Variants in DIP2C observed in about 807,000 individuals in gnomAD.
The protein encoded by DIP2C is disco-interacting protein 2 homolog C.
In DIP2C, 33 loss-of-function variants were observed where a neutral mutation model predicts 192.4. The observed-to-expected ratio is 0.17, with a 90% CI of 0.13 to 0.23. The LOEUF is 0.23. DIP2C is among the 10% of genes least tolerant of loss of function. The probability of loss-of-function intolerance (pLI) is 1.00; values close to 1 mark genes in which losing one functional copy is unlikely to be tolerated. For synonymous variants in DIP2C, 979 were observed against 864.1 expected (o/e 1.13, Z -2.33); for missense variants, 1,537 against 2,110.1 (o/e 0.73, Z 5.32).
intron 17 of DIP2C, 25 bp from the exon 18 acceptor site, chr10:369,658 A>C: frequency 6.2e-7 from 1 of 1,614,082 alleles, no homozygotes; most frequent in Non-Finnish European, 8.5e-7. Flanking sequence ...TTTAACTTGA[A>C]TATGCAGGAG....
At chr10:450,053 C>T (rs1968730873) in intron 3 of DIP2C, among the ~76,000 whole-genome samples, 2 of 152,088 alleles carry the variant, frequency 1.3e-5, no homozygotes, top group Admixed American at 6.6e-5. Context: ...AATGGGGAAT[C>T]CAGCAAATGG....
At chr10:554,034 G>T in intron 1 of DIP2C, among the ~76,000 whole-genome samples, 1 of 152,022 alleles carries the variant, frequency 6.6e-6, no homozygotes, top group Admixed American at 6.5e-5. Context: ...CGTACAGCTT[G>T]TAACTGTAAG....
chr10:303,070 A>G (rs1056079360), intron 32 of DIP2C, among the ~76,000 whole-genome samples: 1 of 152,332 alleles, frequency 6.6e-6, no homozygotes, highest in African/African-American at 2.4e-5. Flanking sequence ...ATTTGTAAAC[A>G]CCGTACTTGT....
intron 10 of DIP2C, among the ~76,000 whole-genome samples, chr10:392,896 ACAC>A (rs1963611199): frequency 2.6e-3 from 1 of 388 alleles, no homozygotes; most frequent in African/African-American, 4.3e-3. Flanking sequence ...ACGTGCCCAC[ACAC>A]AGGCGCGCAC....
chr10:619,408 T>TA (rs757788484), intron 1 of DIP2C, among the ~76,000 whole-genome samples: 2 of 152,064 alleles, frequency 1.3e-5, no homozygotes, highest in South Asian at 2.1e-4. Context: ...TCTAGAGGCT[T>TA]CCGCATCCCC....
intron 32 of DIP2C, among the ~76,000 whole-genome samples, chr10:293,872 C>T (rs1208076233): frequency 1.3e-5 from 2 of 152,096 alleles, no homozygotes; most frequent in African/African-American, 4.8e-5. Flanking sequence ...ATGAGACGGC[C>T]CACGGTGGCC....
chr10:579,612 C>G (rs917566494), intron 1 of DIP2C, among the ~76,000 whole-genome samples: 6 of 151,898 alleles, frequency 4.0e-5, no homozygotes, highest in African/African-American at 1.5e-4. Flanking sequence ...AAATAGTGTA[C>G]AAACATGTGC....
intron 3 of DIP2C, among the ~76,000 whole-genome samples, chr10:448,447 G>A (rs1255800998): frequency 6.8e-6 from 1 of 146,856 alleles, no homozygotes; most frequent in East Asian, 2.1e-4. Flanking sequence ...CTCACAGTGG[G>A]GCAGCAGGAC....
intron 32 of DIP2C, among the ~76,000 whole-genome samples, chr10:289,297 TCTCGCTCTGTCA>T (rs1955350389): frequency 6.6e-6 from 1 of 150,410 alleles, no homozygotes; most frequent in African/African-American, 2.5e-5. Flanking sequence ...AGAGACAGGG[TCTCGCTCTGTCA>T]CTCAACCTGG....
chr10:369,765 C>T (rs774479209), intron 17 of DIP2C, 132 bp from the exon 18 acceptor site: 21 of 1,496,082 alleles, frequency 1.4e-5, no homozygotes, highest in Non-Finnish European at 1.8e-5. Flanking sequence ...ACAGTGCTGG[C>T]TGCCCATGTG....
chr10:388,006 T>C (rs1196205954), intron 13 of DIP2C, among the ~76,000 whole-genome samples, 197 bp from the exon 14 acceptor site: 1 of 152,174 alleles, frequency 6.6e-6, no homozygotes, highest in African/African-American at 2.4e-5. Flanking sequence ...TCTCGACAGA[T>C]ATCCTGACAC....
At chr10:304,141 T>A (rs1483277715) in intron 32 of DIP2C, among the ~76,000 whole-genome samples, 1 of 152,232 alleles carries the variant, frequency 6.6e-6, no homozygotes, top group Admixed American at 6.5e-5. Flanking sequence ...AGGTGTCTAT[T>A]ATCACAGTCC....
chr10:278,626 G>T (rs1188966867), intron 36 of DIP2C, among the ~76,000 whole-genome samples: 1 of 152,242 alleles, frequency 6.6e-6, no homozygotes, highest in Non-Finnish European at 1.5e-5. Flanking sequence ...CTGCCATACA[G>T]CCATGGCTAA....
rs189180284 is a variant in DIP2C at position 588,723 on chromosome 10, G to T, written c.85+100771C>A. 1.3e-4 allele frequency among the ~76,000 whole-genome samples: 20 copies of T among 152,352 alleles called. No homozygotes were observed. In the East Asian group the frequency reaches 3.3e-3, roughly 25 times the overall value. ...TCCTCCAGCTGCCGTCCCGCAGGCG[G>T]GGAGGGTGGTGCCTGAACTGCCCCA... is the stretch of plus-strand genomic sequence containing the variant. On this transcript the variant is annotated intron_variant, in intron 1 of 36. Coordinates refer to ENST00000280886, the MANE Select transcript of DIP2C (RefSeq NM_014974.3).
Position 459,170 on chromosome 10 carries a change from A to T in DIP2C, c.268+13269T>A, listed in dbSNP as rs117029890. Among the ~76,000 whole-genome samples the T allele has an allele frequency of 1.3e-4, 20 of 152,282 alleles. No homozygotes were observed. The East Asian group carries it at 3.3e-3, about 25-fold the overall frequency. On this transcript the variant is annotated intron_variant, in intron 3 of 36. Transcript: ENST00000280886. ...TTTTAAAAAACAAGATGTCACAGTCACAGAATCCACTGGCTCTCAGAACCC... is the reference window on the plus strand; with the variant it reads ...TTTTAAAAAACAAGATGTCACAGTCTCAGAATCCACTGGCTCTCAGAACCC...
chr10:474,746 T>C (rs1048128230), intron 2 of DIP2C, among the ~76,000 whole-genome samples: 3 of 152,260 alleles, frequency 2.0e-5, no homozygotes, highest in African/African-American at 7.2e-5. Context: ...TTCGCCTAGA[T>C]ACGGACTTCT....
chr10:549,412 C>T (rs1848474591), intron 1 of DIP2C, among the ~76,000 whole-genome samples: 2 of 152,178 alleles, frequency 1.3e-5, no homozygotes, highest in Non-Finnish European at 2.9e-5. Context: ...CGTCCACACA[C>T]GGACTCGGGC....
chr10:483,428 A>G (rs534699883), intron 2 of DIP2C, among the ~76,000 whole-genome samples: 3 of 152,348 alleles, frequency 2.0e-5, no homozygotes, highest in South Asian at 4.1e-4. Context: ...CATGGTGCAC[A>G]CTTGCGTGTC....
chr10:575,882 T>C (rs1850117672), intron 1 of DIP2C, among the ~76,000 whole-genome samples: 1 of 152,216 alleles, frequency 6.6e-6, no homozygotes. Context: ...CAATCTGGTC[T>C]TACCTGCGCC....
Sources: allele counts gnomAD v4.1 joint callset (sites outside exome capture counted in the v4.1 genomes callset), GRCh38; gene constraint gnomAD v4.1.1; transcripts MANE v1.5; gene names NCBI Gene and HGNC (gene_info 2026-07-23, HGNC 2026-07-21).